Variants in CDAN1 observed in about 807,000 individuals in gnomAD.
CDAN1 encodes the protein codanin-1.
Under a neutral mutation model 139.8 loss-of-function variants are expected in CDAN1, and 107 were observed. The observed-to-expected ratio is 0.77, with a 90% confidence interval of 0.65 to 0.90. CDAN1 has a LOEUF of 0.90. Among genes scored for constraint, CDAN1 ranks in the 40% least tolerant of loss-of-function variants. The pLI is 0.00. For missense variants in CDAN1, 1,667 were observed against 1,575.7 expected (o/e 1.06, Z -0.98); for synonymous variants, 776 against 660.6 (o/e 1.17, Z -2.68).
rs1180431435 is a variant in CDAN1 at position 42,731,412 on chromosome 15, G to A, written c.1740-81C>T. 3.1e-6 allele frequency: 5 copies of A among 1,588,398 alleles called. No homozygotes were observed. In the African/African-American group the frequency reaches 4.0e-5, roughly 13 times the overall value. ...GAATCGAGAAGGGGCACTCCAGAGG[G>A]AAGGGAGCAGCAGGACAGACAGGGA... On this transcript the variant is annotated intron_variant, in intron 11 of 27. Transcript: ENST00000356231.
intron 11 of CDAN1, 36 bp downstream of exon 11, chr15:42,731,584 T>A: frequency 6.2e-7 from 1 of 1,606,394 alleles, no homozygotes; most frequent in Non-Finnish European, 8.5e-7. Context: ...TTTCCTGGCC[T>A]CTGCCCCATT....
In CDAN1 at chr15:42,729,667, G is replaced by A. The variant is rs768167122; in HGVS notation, c.2353-45C>T. 2.7e-5 allele frequency: 44 copies of A among 1,609,014 alleles called. No homozygotes were observed. In the East Asian group the frequency reaches 4.0e-4, roughly 15 times the overall value. The stretch of plus-strand genomic sequence containing the variant: ...GTCAGCAGACTGCCCCTCCCCCAGC[G>A]CACCCAGAAAGCAGGCAGTTGGCAG... On this transcript the variant is annotated intron_variant, in intron 16 of 27. Transcript: ENST00000356231.
chr15:42,734,560 C>G (rs897761952), intron 6 of CDAN1, among the ~76,000 whole-genome samples: 1 of 152,140 alleles, frequency 6.6e-6, no homozygotes, highest in Admixed American at 6.5e-5. Context: ...AGGACAGGAA[C>G]ATTACCCAGA....
At chr15:42,735,759 C>G (rs913971498) in intron 3 of CDAN1, 80 bp from the exon 4 acceptor site, 1 of 1,585,764 alleles carries the variant, frequency 6.3e-7, no homozygotes, top group Non-Finnish European at 8.7e-7. Context: ...AGAGAAGATA[C>G]CAACAGCCCA....
At position 42,736,094 on chromosome 15, in the gene CDAN1, A is replaced by G; in HGVS notation, c.570-16T>C. The G allele has an allele frequency of 1.2e-6, 2 of 1,613,378 alleles. No homozygotes were observed. The highest frequency in any genetic ancestry group is 1.7e-6 in the Non-Finnish European group (2 of 1,179,408). ...AGGCTTCGTCCTGCTGAGAGTAGCC[A>G]CAGGTTTTTCTCAAATTCCTATCTT... On this transcript the variant is annotated splice_polypyrimidine_tract_variant and intron_variant, in intron 2 of 27. Transcript: ENST00000356231.
At chr15:42,726,285 C>G in intron 24 of CDAN1, 25 bp downstream of exon 24, 1 of 1,589,078 alleles carries the variant, frequency 6.3e-7, no homozygotes, top group Non-Finnish European at 8.6e-7. Flanking sequence ...AAAAAAGCCC[C>G]CCGGTGGCAG....
At chr15:42,726,053 T>C in intron 25 of CDAN1, 44 bp downstream of exon 25, 1 of 1,547,536 alleles carries the variant, frequency 6.5e-7, no homozygotes, top group Non-Finnish European at 8.9e-7. Flanking sequence ...CCCTGAGATT[T>C]GGGGGATCAG....
At position 42,735,393 on chromosome 15, in the gene CDAN1, A is replaced by C. The variant is rs779970677; in HGVS notation, c.944-19T>G. 4 of 1,595,056 alleles carry C rather than the reference A, an allele frequency of 2.5e-6. No homozygotes were observed. In the South Asian group the frequency reaches 3.4e-5, roughly 14 times the overall value. On this transcript the variant is annotated intron_variant, in intron 4 of 27. Transcript: ENST00000356231. Reference sequence around the variant, plus strand: ...AGGTTCTCTAGATAGATACAAAAAGAAAGCCCATGGTATGGGCACCATTTG... The same window carrying C: ...AGGTTCTCTAGATAGATACAAAAAGCAAGCCCATGGTATGGGCACCATTTG...
rs73410959 is a variant in CDAN1, at chr15:42,736,428, G to A, written c.443C>T (p.Ala148Val). Residue 148 changes from alanine (A) to valine (V), a missense_variant, in exon 2 of 28, where the codon GCC becomes GTC. Ala to Val is a moderately conservative substitution (Grantham distance 64). Coordinates refer to ENST00000356231, the MANE Select transcript of CDAN1 (RefSeq NM_138477.4). Reference sequence around the variant, plus strand: ...AGAGCCCCTAAGCCTCCGGCCCCCGGCTCCGGGCAGGCTCTCCCCGCTGAC... The same window carrying A: ...AGAGCCCCTAAGCCTCCGGCCCCCGACTCCGGGCAGGCTCTCCCCGCTGAC... ...EGVSGESLPGAGGRRLRGSGS... is the reference protein window; with the variant it reads ...EGVSGESLPGVGGRRLRGSGS... 27,132 of 1,600,120 alleles carry A rather than the reference G, an allele frequency of 0.017. 1,497 individuals carry two copies. In the African/African-American group the frequency reaches 0.19, roughly 11 times the overall value.
chr15:42,727,537 G>A (rs895022313), intron 23 of CDAN1, 84 bp downstream of exon 23: 57 of 1,289,006 alleles, frequency 4.4e-5, no homozygotes, highest in African/African-American at 7.5e-5. Context: ...TAAAAATCCT[G>A]GAGCTGATGT....
rs2061498916 is a variant in CDAN1 at position 42,724,625 on chromosome 15, C to G, written c.3559-9G>C. 1 of 1,552,038 alleles carries G rather than the reference C, an allele frequency of 6.4e-7. No homozygotes were observed. Among genetic ancestry groups the G allele is most frequent in the Non-Finnish European group, 8.7e-7 (1 of 1,146,968 alleles). On this transcript the variant is annotated splice_polypyrimidine_tract_variant and intron_variant, in intron 27 of 27. Transcript: ENST00000356231. ...AATTCTTCAGCAAAGTCCTGGAATA[C>G]ATAGAAAGATGAGGGAAAAGGCAGC...
In CDAN1 at chr15:42,736,957, AC is replaced by A. The variant is rs1249300856; in HGVS notation, c.90+55del. ...TAGAGGAAGGGGACTGGAGGGCTGG[AC>A]TCCACTGCGGGAACCGGCTTCGAGT... On this transcript the variant is annotated intron_variant, in intron 1 of 27. Transcript: ENST00000356231. The A allele has an allele frequency of 2.5e-5, 38 of 1,507,560 alleles. 1 individual carries two copies. Among genetic ancestry groups the A allele is most frequent in the Non-Finnish European group, 3.2e-5 (36 of 1,118,912 alleles). 93.4% of individuals were successfully genotyped at this position (1,507,560 alleles called of 1,614,324 possible). A position where few individuals can be genotyped will look rare whatever the true frequency, so the allele number is the denominator to read the frequency against.
Position 42,729,358 on chromosome 15 carries a change from C to T in CDAN1, c.2412G>A (p.Glu804=), listed in dbSNP as rs1460326373. ...CCCACGAAGCGAGCAGTTTCCGGAG[C>T]TCTCCTGTATCAGTGAAGTCCAAGT... The part of the protein sequence containing the change: ...LLYTCCPYIG[E]LRKLLASWVS... Residue 804 remains glutamate, a synonymous_variant, in exon 18 of 28, where the codon GAG becomes GAA. Transcript: ENST00000356231. The T allele has an allele frequency of 6.2e-7, 1 of 1,614,052 alleles. No homozygotes were observed. The highest frequency in any genetic ancestry group is 8.5e-7 in the Non-Finnish European group (1 of 1,180,022).
At position 42,729,387 on chromosome 15, in the gene CDAN1, C is replaced by T. The variant is rs141733880; in HGVS notation, c.2408-25G>A. The T allele has an allele frequency of 6.2e-6, 10 of 1,614,034 alleles. No homozygotes were observed. The East Asian group carries it at 2.2e-4, about 36-fold the overall frequency. On this transcript the variant is annotated intron_variant, in intron 17 of 27. Transcript: ENST00000356231. ...CCTGTATCAGTGAAGTCCAAGTTCT[C>T]AGTTCCAGAACCCTCTCCCCTCCCT... is the stretch of plus-strand genomic sequence containing the variant.
chr15:42,733,385 T>C (rs1204412469), intron 8 of CDAN1, among the ~76,000 whole-genome samples, 199 bp from the exon 9 acceptor site: 1 of 152,010 alleles, frequency 6.6e-6, no homozygotes, highest in African/African-American at 2.4e-5. Flanking sequence ...CAAGCGATTC[T>C]CCTGCCTCAG....
chr15:42,728,144 A>G, intron 21 of CDAN1, 60 bp downstream of exon 21: 3 of 1,597,408 alleles, frequency 1.9e-6, no homozygotes, highest in East Asian at 4.5e-5. Context: ...GCCTCAGACT[A>G]CTCCGTGCAC....
chr15:42,729,219 CT>C lies in CDAN1; in HGVS notation c.2541+9del. 6.2e-7 allele frequency: 1 copy of C among 1,613,928 alleles called. No homozygotes were observed. ...CATTTTCCCCACGGCTGTCTCCGCC[CT>C]GCCCTTACCTGCAGCCCCTGGCTGG... On this transcript the variant is annotated intron_variant, in intron 18 of 27. Transcript: ENST00000356231.
At chr15:42,730,867 T>C in intron 13 of CDAN1, 58 bp downstream of exon 13, 1 of 1,613,574 alleles carries the variant, frequency 6.2e-7, no homozygotes, top group Middle Eastern at 1.7e-4. Flanking sequence ...ACCAGTCAGC[T>C]TCAGTGCCTG....
chr15:42,726,192 A>G (rs2061524674), intron 24 of CDAN1, 32 bp from the exon 25 acceptor site: 1 of 1,611,824 alleles, frequency 6.2e-7, no homozygotes, highest in Non-Finnish European at 8.5e-7. Context: ...AAGAGAGACC[A>G]TAGGTATCAC....
Sources: allele counts gnomAD v4.1 joint callset (sites outside exome capture counted in the v4.1 genomes callset), GRCh38; gene constraint gnomAD v4.1.1; transcripts MANE v1.5; gene names NCBI Gene and HGNC (gene_info 2026-07-23, HGNC 2026-07-21).